APBA3: variants seen among roughly 807,000 people sequenced by gnomAD.
The protein encoded by APBA3 is amyloid beta precursor protein binding family A member 3, also known as amyloid-beta A4 precursor protein-binding family A member 3.
APBA3 carries 45 observed loss-of-function variants against 55.9 expected under a neutral mutation model. The observed-to-expected ratio is 0.80, with a 90% CI of 0.63 to 1.03. APBA3 has a LOEUF of 1.03. Ranked by LOEUF, APBA3 falls within the 50% of genes least tolerant of loss-of-function variation. The pLI is 0.00. For missense variants in APBA3, 865 were observed against 820.3 expected, an observed-to-expected ratio of 1.05 and a Z score of -0.67; for synonymous variants, 370 against 353.3, an observed-to-expected ratio of 1.05 and a Z score of -0.53.
Position 3,760,261 on chromosome 19 carries a change from C to G in APBA3, c.4G>C (p.Asp2His). The G allele has an allele frequency of 6.3e-7, 1 of 1,597,378 alleles. No homozygotes were observed. Among genetic ancestry groups the G allele is most frequent in the Non-Finnish European group, 8.5e-7 (1 of 1,177,912 alleles). ...GGGGATCGGGAAATTGTGGGGAAGT[C>G]CATGCCTGGACTCCAGGCTTAGGCC... M[D>H]FPTISRSPSG... Residue 2 changes from aspartate to histidine, a missense_variant, in exon 2 of 11, where the codon GAC becomes CAC. Asp to His is a moderately conservative substitution (Grantham distance 81). Coordinates refer to ENST00000316757, the MANE Select transcript of APBA3 (RefSeq NM_004886.4).
In APBA3 at chr19:3,759,679, C is replaced by T. The variant is rs1340297812; in HGVS notation, c.576+10G>A. 9.9e-6 allele frequency: 16 copies of T among 1,611,016 alleles called. No homozygotes were observed. The highest frequency in any genetic ancestry group is 2.2e-5 in the East Asian group (1 of 44,858). On this transcript the variant is annotated intron_variant, in intron 2 of 10. Transcript: ENST00000316757. ...AGTCCAGGATGCCTGGAGGGCGGGG[C>T]GGGCACTACCTGGGCACCAGCGGGT...
At position 3,759,303 on chromosome 19, in the gene APBA3, G is replaced by C. The variant is rs574820250; in HGVS notation, c.616+258C>G. 5.2e-3 allele frequency among the ~76,000 whole-genome samples: 799 copies of C among 152,290 alleles called. 4 individuals are homozygous for C. Among genetic ancestry groups the C allele is most frequent in the Non-Finnish European group, 7.6e-3 (520 of 68,020 alleles). Reference sequence around the variant, plus strand: ...GCAGGCAGTGAGTTGGGTCTGGCCCGACGACGATGATTTGCCAAGCCCGGT... The same window carrying C: ...GCAGGCAGTGAGTTGGGTCTGGCCCCACGACGATGATTTGCCAAGCCCGGT... On this transcript the variant is annotated intron_variant, in intron 3 of 10. Transcript: ENST00000316757.
intron 6 of APBA3, chr19:3,753,336 C>A: frequency 2.4e-6 from 1 of 414,918 alleles, no homozygotes; most frequent in Non-Finnish European, 4.4e-6. Flanking sequence ...GGGGAGTCGG[C>A]CGAGAGTCTT....
Position 3,753,934 on chromosome 19 carries a change from G to A in APBA3, c.850-8C>T, listed in dbSNP as rs764079380. 7.1e-6 allele frequency: 11 copies of A among 1,555,000 alleles called. No individual in the cohort carries two copies. The highest frequency in any genetic ancestry group is 7.1e-5 in the South Asian group (6 of 85,094). On this transcript the variant is annotated splice_region_variant and splice_polypyrimidine_tract_variant and intron_variant, in intron 5 of 10. Transcript: ENST00000316757. ...GTGGTCCATCATGGCCTCCTGGGGC[G>A]GGAGAGGCAGCCTGGGTGGGTTGGG...
rs759296170 is a variant in APBA3, at chr19:3,760,306, AAG to A, written c.-37-7_-37-6del. The A allele has an allele frequency of 5.0e-5, 76 of 1,531,498 alleles. No individual in the cohort carries two copies. The highest frequency in any genetic ancestry group is 5.6e-5 in the Non-Finnish European group (64 of 1,145,514). 94.9% of individuals were successfully genotyped at this position (1,531,498 alleles called of 1,614,324 possible). On this transcript the variant is annotated splice_polypyrimidine_tract_variant and splice_region_variant and intron_variant, in intron 1 of 10. Transcript: ENST00000316757. The stretch of plus-strand genomic sequence containing the variant: ...TAGGCCGGCATCTTCAGGCAGCTGA[AAG>A]AGAGAGAGTCAGCACTGAGGTTTCG...
Position 3,751,433 on chromosome 19 carries a change from C to T in APBA3, c.1515+1G>A, listed in dbSNP as rs200671047. The T allele has an allele frequency of 3.3e-6, 5 of 1,528,642 alleles. No individual in the cohort carries two copies. The highest frequency in any genetic ancestry group is 2.1e-5 in the Admixed American group (1 of 47,692). The allele number at this position is 1,528,642 out of a possible 1,614,324, so 94.7% of individuals were successfully genotyped here. A position where few individuals can be genotyped will look rare whatever the true frequency, so the allele number is the denominator to read the frequency against. ...CCCGGGGCCAGGGGCCGGGGCCTCA[C>T]GATGCCGTCCTCCACGCAGAAGCCC... On this transcript the variant is annotated splice_donor_variant, in intron 9 of 10. Coordinates refer to ENST00000316757, the MANE Select transcript of APBA3 (RefSeq NM_004886.4). LOFTEE classifies it high-confidence loss of function.
rs966541333 is a variant in APBA3 at position 3,759,904 on chromosome 19, A to G, written c.361T>C (p.Cys121Arg). ...TCAGGACCAGTCTGGGAAGGCGGGC[A>G]TTCCTCGCAGTGCAAGAGGCCCAGC... ...DLLGLLHCEECPPSQTGPEEP... is the reference protein window; with the variant it reads ...DLLGLLHCEERPPSQTGPEEP... Residue 121 changes from cysteine to arginine, a missense_variant, in exon 2 of 11, where the codon TGC becomes CGC. Transcript: ENST00000316757. 1.2e-6 allele frequency: 2 copies of G among 1,611,604 alleles called. No individual in the cohort carries two copies. The highest frequency in any genetic ancestry group is 2.7e-5 in the African/African-American group (2 of 74,836).
chr19:3,757,298 G>A (rs1477272417), intron 3 of APBA3, among the ~76,000 whole-genome samples: 4 of 151,896 alleles, frequency 2.6e-5, no homozygotes, highest in Admixed American at 2.6e-4. Context: ...GTGGAGACAG[G>A]GTTTTGCTGT....
At chr19:3,755,096 C>T (rs1163242894) in intron 3 of APBA3, 3 of 152,306 alleles carry the variant, frequency 2.0e-5, no homozygotes, top group African/African-American at 7.2e-5. Flanking sequence ...CGTCTGCAGT[C>T]AGCCCAGGAT....
chr19:3,751,351 C>T (rs760692286), intron 9 of APBA3, 22 bp from the exon 10 acceptor site: 35 of 1,519,350 alleles, frequency 2.3e-5, no homozygotes, highest in African/African-American at 1.5e-4. Flanking sequence ...AAGAGGGGGA[C>T]GGGAAAGAGG....
At chr19:3,753,475 G>A (rs922062540) in intron 6 of APBA3, 5 of 412,722 alleles carry the variant, frequency 1.2e-5, no homozygotes, top group East Asian at 4.0e-5. Context: ...GAGCGAGACC[G>A]TGTCTCTATA....
chr19:3,759,809 T>A lies in APBA3; in HGVS notation c.456A>T (p.Pro152=). The stretch of plus-strand genomic sequence containing the variant: ...CAGCAGAGGCCCCCTCCACCCATTC[T>A]GGGGAGTCAGAATCCTCATCTGGGT... The part of the protein sequence containing the change: ...PEDPDEDSDS[P]EWVEGASAEQ... The change falls in exon 2 of 11, where the codon CCA becomes CCT. Residue 152 remains proline (P), a synonymous_variant. Coordinates refer to ENST00000316757, the MANE Select transcript of APBA3 (RefSeq NM_004886.4). The A allele has an allele frequency of 6.2e-7, 1 of 1,612,710 alleles. No individual in the cohort carries two copies. Among genetic ancestry groups the A allele is most frequent in the African/African-American group, 1.3e-5 (1 of 75,014 alleles).
intron 8 of APBA3, chr19:3,751,786 G>T: frequency 1.8e-6 from 1 of 548,656 alleles, no homozygotes; most frequent in Non-Finnish European, 3.2e-6. Flanking sequence ...CAAGCCGACA[G>T]CCGGGCTCTC....
In APBA3 at chr19:3,761,649, G is replaced by C. The variant is rs1489140862; in HGVS notation, c.-151C>G. 2 of 152,422 alleles carry C rather than the reference G, an allele frequency of 1.3e-5. No homozygotes were observed. The highest frequency in any genetic ancestry group is 2.9e-5 in the Non-Finnish European group (2 of 68,180). The allele number at this position is 152,422 out of a possible 1,614,324, so 9.4% of individuals were successfully genotyped here. The stretch of plus-strand genomic sequence containing the variant: ...AGAAGGCGCAGCTCGGGGATTCCCG[G>C]TCCCGGCGCCCGCTCCTCTATCCGC... On this transcript the variant is annotated 5_prime_UTR_variant, in exon 1 of 11. Transcript: ENST00000316757.
Position 3,751,449 on chromosome 19 carries a change from G to A in APBA3, c.1500C>T (p.Cys500=), listed in dbSNP as rs369996777. 3.6e-5 allele frequency: 55 copies of A among 1,541,950 alleles called. No individual in the cohort carries two copies. The highest frequency in any genetic ancestry group is 1.0e-4 in the Admixed American group (5 of 49,258). Residue 500 remains cysteine (C), a synonymous_variant, in exon 9 of 11, where the codon TGC becomes TGT. Transcript: ENST00000316757. ...RPHAREQLGF[C]VEDGIICSLL... ...GGGGCCTCACGATGCCGTCCTCCAC[G>A]CAGAAGCCCAGCTGCTCGCGGGCGT...
chr19:3,759,496 G>C, intron 3 of APBA3, 65 bp downstream of exon 3: 1 of 1,477,320 alleles, frequency 6.8e-7, no homozygotes, highest in South Asian at 1.2e-5. Flanking sequence ...TGCCAGGCTG[G>C]TGAGCCTGAT....
Position 3,760,256 on chromosome 19 carries a change from G to A in APBA3, c.9C>T (p.Phe3=), listed in dbSNP as rs750940309. ...CCGAAGGGGATCGGGAAATTGTGGG[G>A]AAGTCCATGCCTGGACTCCAGGCTT... is the stretch of plus-strand genomic sequence containing the variant. MD[F]PTISRSPSGP... Residue 3 remains phenylalanine (F), a synonymous_variant, in exon 2 of 11, where the codon TTC becomes TTT. Coordinates refer to ENST00000316757, the MANE Select transcript of APBA3 (RefSeq NM_004886.4). 6.3e-7 allele frequency: 1 copy of A among 1,599,908 alleles called. No individual in the cohort carries two copies. The highest frequency in any genetic ancestry group is 1.1e-5 in the South Asian group (1 of 90,638).
At position 3,753,813 on chromosome 19, in the gene APBA3, G is replaced by A. The variant is rs774631510; in HGVS notation, c.963C>T (p.His321=). Reference sequence around the variant, plus strand: ...AGAGCATCTTGTAGAGGCGGCGGCCGTGGTCCTGGGGTGCCGGCCTCCGTG... The same window carrying A: ...AGAGCATCTTGTAGAGGCGGCGGCCATGGTCCTGGGGTGCCGGCCTCCGTG... ...RLARRPAPQD[H]GRRLYKMLCH... The change falls in exon 6 of 11, where the codon CAC becomes CAT. Residue 321 remains histidine (H), a synonymous_variant. Coordinates refer to ENST00000316757, the MANE Select transcript of APBA3 (RefSeq NM_004886.4). The A allele has an allele frequency of 2.2e-5, 34 of 1,573,244 alleles. No homozygotes were observed. The highest frequency in any genetic ancestry group is 4.0e-5 in the African/African-American group (3 of 74,280).
Position 3,751,448 on chromosome 19 carries a change from C to G in APBA3, c.1501G>C (p.Val501Leu). 8 of 1,541,440 alleles carry G rather than the reference C, an allele frequency of 5.2e-6. No individual in the cohort carries two copies. Among genetic ancestry groups the G allele is most frequent in the South Asian group, 1.2e-5 (1 of 83,974 alleles). ...CGGGGCCTCACGATGCCGTCCTCCACGCAGAAGCCCAGCTGCTCGCGGGCG... is the reference window on the plus strand; with the variant it reads ...CGGGGCCTCACGATGCCGTCCTCCAGGCAGAAGCCCAGCTGCTCGCGGGCG... The part of the protein sequence containing the change: ...PHAREQLGFC[V>L]EDGIICSLLR... Residue 501 changes from valine (V) to leucine (L), a missense_variant, in exon 9 of 11, where the codon GTG (valine) becomes CTG (leucine). Coordinates refer to ENST00000316757, the MANE Select transcript of APBA3 (RefSeq NM_004886.4).
Sources: gnomAD v4.1 joint callset for allele counts (sites outside exome capture counted in the v4.1 genomes callset) on GRCh38, gnomAD v4.1.1 for gene constraint, MANE v1.5 for transcripts, NCBI Gene and HGNC (gene_info 2026-07-23, HGNC 2026-07-21) for gene names.